The following GRAP2 variants were observed in gnomAD, a reference collection of about 807,000 sequenced individuals.
The protein encoded by GRAP2 is GRB2 related adaptor protein 2, also known as GRB2-related adapter protein 2.
GRAP2 carries 31 observed loss-of-function variants against 43.5 expected under a neutral mutation model. That is an observed-to-expected ratio of 0.71 (90% CI 0.54 to 0.96). GRAP2 has a LOEUF of 0.96. GRAP2 is among the 40% of genes least tolerant of loss of function. The pLI is 0.00. For missense variants in GRAP2, 371 were observed against 424.4 expected (o/e 0.87, Z 1.11); for synonymous variants, 156 against 164.8 (o/e 0.95, Z 0.41).
chr22:39,935,951 T>A (rs2066802646), intron 1 of GRAP2, among the ~76,000 whole-genome samples: 1 of 152,130 alleles, frequency 6.6e-6, no homozygotes, highest in African/African-American at 2.4e-5. Flanking sequence ...GATGGAGGCT[T>A]TCAAATCCAT....
At chr22:39,907,029 G>T (rs894992313) in intron 1 of GRAP2, among the ~76,000 whole-genome samples, 3 of 152,126 alleles carry the variant, frequency 2.0e-5, no homozygotes, top group East Asian at 1.9e-4. Context: ...AGCTGAAAAG[G>T]CTCTCCTCCG....
chr22:39,963,386 G>C (rs7291406), intron 4 of GRAP2, among the ~76,000 whole-genome samples: 4,825 of 152,194 alleles, frequency 0.032, 262 homozygotes, highest in African/African-American at 0.11. Flanking sequence ...GAGAGTAAAA[G>C]GGTCAATGTT....
chr22:39,969,375 C>A, intron 6 of GRAP2, 36 bp from the exon 7 acceptor site: 1 of 1,611,642 alleles, frequency 6.2e-7, no homozygotes, highest in African/African-American at 1.3e-5. Context: ...GATGTCCTGG[C>A]AGTGGGGTGA....
intron 5 of GRAP2, among the ~76,000 whole-genome samples, chr22:39,967,392 A>C (rs1260272440): frequency 6.6e-6 from 1 of 152,200 alleles, no homozygotes; most frequent in Non-Finnish European, 1.5e-5. Flanking sequence ...GGATTAAATG[A>C]GTTGATATTT....
At chr22:39,919,376 T>G (rs952951625) in intron 1 of GRAP2, among the ~76,000 whole-genome samples, 3 of 152,234 alleles carry the variant, frequency 2.0e-5, no homozygotes, top group Admixed American at 6.5e-5. Context: ...ATGTATTTAT[T>G]TTTGTAGATT....
chr22:39,967,148 T>C (rs192235409), intron 5 of GRAP2, among the ~76,000 whole-genome samples: 47 of 152,348 alleles, frequency 3.1e-4, no homozygotes, highest in Admixed American at 6.5e-4. Flanking sequence ...GTGAAAGCAA[T>C]GTGTGCTTTG....
At chr22:39,947,379 A>G in intron 2 of GRAP2, 195 bp downstream of exon 2, 1 of 581,218 alleles carries the variant, frequency 1.7e-6, no homozygotes, top group African/African-American at 1.9e-5. Context: ...ATAAGCCACC[A>G]TCCTTGTCCT....
chr22:39,899,910 C>T (rs768821429), upstream of GRAP2, among the ~76,000 whole-genome samples: 24 of 151,976 alleles, frequency 1.6e-4, no homozygotes, highest in South Asian at 8.3e-4. Flanking sequence ...CACTTGTACT[C>T]GGGAGACGGA....
intron 2 of GRAP2, among the ~76,000 whole-genome samples, chr22:39,950,078 T>G (rs2066965950): frequency 6.6e-6 from 1 of 152,154 alleles, no homozygotes. Flanking sequence ...TCTTTGTAGA[T>G]GTAACGCCCC....
At chr22:39,918,510 A>G (rs968002024) in intron 1 of GRAP2, among the ~76,000 whole-genome samples, 3 of 152,172 alleles carry the variant, frequency 2.0e-5, no homozygotes, top group Non-Finnish European at 4.4e-5. Flanking sequence ...ATAACTTCTC[A>G]TTATAATAAC....
chr22:39,932,748 C>T (rs2066769080), intron 1 of GRAP2, among the ~76,000 whole-genome samples: 1 of 150,528 alleles, frequency 6.6e-6, no homozygotes, highest in South Asian at 2.1e-4. Flanking sequence ...CAATAGCTAA[C>T]AACTATTGAA....
At chr22:39,897,444 C>T (rs2066470118), upstream of GRAP2, among the ~76,000 whole-genome samples, 1 of 152,082 alleles carries the variant, frequency 6.6e-6, no homozygotes, top group African/African-American at 2.4e-5. Flanking sequence ...CAAAATCCAA[C>T]CACTTCCCAC....
chr22:39,899,986 CAA>C (rs959013488), upstream of GRAP2, among the ~76,000 whole-genome samples: 1 of 138,374 alleles, frequency 7.2e-6, no homozygotes, highest in Non-Finnish European at 1.6e-5. Context: ...AACTCCGTCT[CAA>C]AAAAAAAAAG....
At chr22:39,895,729 GA>G in the GRAP2 span, among the ~76,000 whole-genome samples, 4 of 152,198 alleles carry the variant, frequency 2.6e-5, no homozygotes, top group East Asian at 7.7e-4. Context: ...GCTGAGCTAT[GA>G]GACTAGAAGG....
chr22:39,923,574 T>C lies in GRAP2; in HGVS notation c.-15+22244T>C, dbSNP rs185286036. Among the ~76,000 whole-genome samples, 12 of 152,338 alleles carry C rather than the reference T, an allele frequency of 7.9e-5. No homozygotes were observed. In the East Asian group the frequency reaches 2.3e-3, roughly 29 times the overall value. ...GAAGCCAGGGATTTTGTCTCTTTTG[T>C]CCTCATCTCCATTCCTAGCCCTTAA... On this transcript the variant is annotated intron_variant, in intron 1 of 7. Transcript: ENST00000344138.
intron 1 of GRAP2, among the ~76,000 whole-genome samples, chr22:39,936,307 G>A (rs2066806017): frequency 6.6e-6 from 1 of 152,048 alleles, no homozygotes; most frequent in African/African-American, 2.4e-5. Context: ...TTGCCAGCAG[G>A]ATCCGAGGTG....
At position 39,960,130 on chromosome 22, in the gene GRAP2, C is replaced by G; in HGVS notation, c.246C>G (p.Ile82Met). 1 of 1,613,100 alleles carries G rather than the reference C, an allele frequency of 6.2e-7. No homozygotes were observed. The highest frequency in any genetic ancestry group is 1.1e-5 in the South Asian group (1 of 91,062). ...LMGKEVGFFI[I>M]RASQSSPGDF... The stretch of plus-strand genomic sequence containing the variant: ...GCAAGGAGGTTGGCTTCTTCATCAT[C>G]CGGGCCAGCCAGAGCTCCCCAGGGG... Residue 82 changes from isoleucine (I) to methionine (M), a missense_variant, in exon 4 of 8, where the codon ATC becomes ATG. Coordinates refer to ENST00000344138, the MANE Select transcript of GRAP2 (RefSeq NM_004810.4).
rs1433585202 is a variant in GRAP2 at position 39,970,922 on chromosome 22, G to A, written c.831G>A (p.Arg277=). 1.4e-5 allele frequency: 22 copies of A among 1,609,258 alleles called. No homozygotes were observed. Among genetic ancestry groups the A allele is most frequent in the Non-Finnish European group, 1.9e-5 (22 of 1,178,102 alleles). Residue 277 remains arginine (R), a synonymous_variant, in exon 8 of 8, where the codon CGG becomes CGA. Coordinates refer to ENST00000344138, the MANE Select transcript of GRAP2 (RefSeq NM_004810.4). ...CCCAACAGCGAGTGCGGTGGGCCCG[G>A]GCGCTGTATGACTTTGAGGCCCTGG... ...LQAAGRVRWA[R]ALYDFEALED...
At chr22:39,948,985 C>T (rs981590691) in intron 2 of GRAP2, among the ~76,000 whole-genome samples, 1 of 152,218 alleles carries the variant, frequency 6.6e-6, no homozygotes, top group African/African-American at 2.4e-5. Flanking sequence ...TCCACTTCTT[C>T]AGCTGCAACT....
Sources: allele counts gnomAD v4.1 joint callset (sites outside exome capture counted in the v4.1 genomes callset), GRCh38; gene constraint gnomAD v4.1.1; transcripts MANE v1.5; gene names NCBI Gene and HGNC (gene_info 2026-07-23, HGNC 2026-07-21).